Variants in MACF1 observed in about 807,000 individuals in gnomAD.
The protein encoded by MACF1 is microtubule actin crosslinking factor 1.
MACF1 carries 193 observed loss-of-function variants against 854.8 expected under a neutral mutation model. The observed-to-expected ratio is 0.23, with a 90% CI of 0.20 to 0.25. The LOEUF (loss-of-function observed/expected upper bound fraction) is 0.25. Among genes scored for constraint, MACF1 ranks in the 10% least tolerant of loss-of-function variants. The pLI, the probability that MACF1 is intolerant of heterozygous loss-of-function variation, is 1.00. For missense variants in MACF1, 7,722 were observed against 8,929.1 expected (o/e 0.86, Z 5.45); for synonymous variants, 3,185 against 3,226.7 (o/e 0.99, Z 0.44).
rs570045960 is a variant in MACF1, at chr1:39,333,490, A to C, written c.6902A>C (p.Gln2301Pro). 9.3e-6 allele frequency: 15 copies of C among 1,614,224 alleles called. No homozygotes were observed. The South Asian group carries it at 1.6e-4, about 18-fold the overall frequency. ...QLLDGGIFHE[Q>P]TGQKLLLNEA... ...CTAGATGGTGGTATCTTTCATGAACAAACAGGTCAAAAGCTCTTACTAAAT... is the reference window on the plus strand; with the variant it reads ...CTAGATGGTGGTATCTTTCATGAACCAACAGGTCAAAAGCTCTTACTAAAT... Residue 2301 changes from glutamine to proline, a missense_variant, in exon 37 of 101, where the codon CAA (glutamine) becomes CCA (proline). Gln to Pro is a moderately conservative substitution (Grantham distance 76). This residue lies in a region of MACF1 where 1,531 missense variants were observed against 1,601.6 expected (regional missense o/e 0.96). Transcript: ENST00000564288.
rs1480939257 is a variant in MACF1, at chr1:39,141,325, A to G, written c.220+56887A>G. 2.6e-5 allele frequency among the ~76,000 whole-genome samples: 4 copies of G among 152,146 alleles called. No homozygotes were observed. The East Asian group carries it at 5.8e-4, about 22-fold the overall frequency. On this transcript the variant is annotated intron_variant, in intron 2 of 93. Coordinates refer to the MACF1 transcript ENST00000361689. ...TGGGTCCCATCCTCAGTTCTGATTCAGTAGGTCTGGGGTGGGGCTTGAGAA... is the reference window on the plus strand; with the variant it reads ...TGGGTCCCATCCTCAGTTCTGATTCGGTAGGTCTGGGGTGGGGCTTGAGAA...
Position 39,387,917 on chromosome 1 carries a change from G to C in MACF1, c.15075G>C (p.Lys5025Asn), listed in dbSNP as rs1445965816. Residue 5025 changes from lysine to asparagine, a missense_variant, in exon 58 of 101, where the codon AAG becomes AAC. Coordinates refer to ENST00000564288, the MANE Select transcript of MACF1 (RefSeq NM_001394062.1). ...FQESFKNIEKKVEGAKHQLEI... is the reference protein window; with the variant it reads ...FQESFKNIEKNVEGAKHQLEI... ...AAAGCTTTAAGAATATTGAAAAGAA[G>C]GTTGAAGGAGCCAAACACCAACTTG... The C allele has an allele frequency of 5.6e-6, 9 of 1,613,832 alleles. No homozygotes were observed. The highest frequency in any genetic ancestry group is 1.7e-5 in the Admixed American group (1 of 59,990).
At chr1:39,116,534 G>A (rs1044327134) in intron 2 of MACF1, among the ~76,000 whole-genome samples, 12 of 152,054 alleles carry the variant, frequency 7.9e-5, no homozygotes, top group Non-Finnish European at 1.5e-4. Flanking sequence ...TAGTTTTGAC[G>A]GAAGAATATG....
At chr1:39,168,526 G>C (rs1490446518) in intron 2 of MACF1, among the ~76,000 whole-genome samples, 1 of 152,150 alleles carries the variant, frequency 6.6e-6, no homozygotes, top group African/African-American at 2.4e-5. Flanking sequence ...GAACGGTCTC[G>C]CTATATTGCC....
At chr1:39,104,153 C>T (rs1022083542) in intron 2 of MACF1, among the ~76,000 whole-genome samples, 3 of 152,192 alleles carry the variant, frequency 2.0e-5, no homozygotes, top group African/African-American at 7.2e-5. Context: ...CCCACAACCA[C>T]CTCTCCAGAC....
chr1:39,388,608 G>C lies in MACF1; in HGVS notation c.15766G>C (p.Val5256Leu). 2 of 1,603,434 alleles carry C rather than the reference G, an allele frequency of 1.2e-6. No homozygotes were observed. The highest frequency in any genetic ancestry group is 1.7e-6 in the Non-Finnish European group (2 of 1,176,230). ...AAEEAEALQW[V>L]VGTEVEIINQ... ...AGAGGAGGCAGAGGCCCTCCAGTGGGTAGTGGGGACCGAAGTGGAAATCAT... is the reference window on the plus strand; with the variant it reads ...AGAGGAGGCAGAGGCCCTCCAGTGGCTAGTGGGGACCGAAGTGGAAATCAT... Residue 5256 changes from valine (V) to leucine (L), a missense_variant, in exon 58 of 101, where the codon GTA becomes CTA. By Grantham distance (32) the Val-to-Leu change is conservative (BLOSUM62 1). Around this residue, in one of 15 missense-constraint regions of MACF1, gnomAD observed 2,807 missense variants for 3,235.8 expected, o/e 0.87. Transcript: ENST00000564288.
intron 58 of MACF1, among the ~76,000 whole-genome samples, chr1:39,394,061 G>A (rs1366445737): frequency 6.6e-6 from 1 of 152,098 alleles, no homozygotes; most frequent in East Asian, 1.9e-4. Flanking sequence ...TCTTGTCTTT[G>A]AGGCTGGGCT....
rs970639980 is a variant in MACF1 at position 39,310,863 on chromosome 1, A to G, written c.3133A>G (p.Ile1045Val). The G allele has an allele frequency of 1.2e-6, 2 of 1,613,600 alleles. No individual in the cohort carries two copies. The highest frequency in any genetic ancestry group is 1.7e-5 in the Admixed American group (1 of 59,856). Residue 1045 changes from isoleucine (I) to valine (V), a missense_variant, in exon 26 of 101, where the codon ATT (isoleucine) becomes GTT (valine). By Grantham distance (29) the Ile-to-Val change is conservative. This residue lies in a region of MACF1 where 1,137 missense variants were observed against 1,263.0 expected (regional missense o/e 0.90). Transcript: ENST00000564288. ...AGAGGAGACTGTGGCCAAGATGTAC[A>G]TTTCAGAGTTGAAGAACATCCGGCT... ...DKEETVAKMY[I>V]SELKNIRLRL...
intron 72 of MACF1, among the ~76,000 whole-genome samples, chr1:39,440,244 CT>C (rs974897087): frequency 2.0e-5 from 3 of 149,952 alleles, no homozygotes; most frequent in African/African-American, 7.4e-5. Flanking sequence ...TCCCTAGTAG[CT>C]GGGTCATATG....
At position 39,333,226 on chromosome 1, in the gene MACF1, T is replaced by C; in HGVS notation, c.6638T>C (p.Leu2213Pro). The change falls in exon 37 of 101, where the codon CTA (leucine) becomes CCA (proline). Residue 2213 changes from leucine to proline, a missense_variant. Physicochemically the swap from Leu to Pro is moderately conservative, Grantham distance 98. Around this residue, in one of 15 missense-constraint regions of MACF1, gnomAD observed 1,531 missense variants for 1,601.6 expected, o/e 0.96. Transcript: ENST00000564288. Reference protein sequence around the residue: ...VKKTLGIKLELKSETDGNVHP... With the variant: ...VKKTLGIKLEPKSETDGNVHP... ...AAAACTCTAGGTATAAAGTTAGAAC[T>C]AAAGTCTGAAACTGATGGGAATGTT... 6.2e-7 allele frequency: 1 copy of C among 1,612,724 alleles called. No homozygotes were observed. Among genetic ancestry groups the C allele is most frequent in the South Asian group, 1.1e-5 (1 of 90,630 alleles).
intron 97 of MACF1, among the ~76,000 whole-genome samples, chr1:39,479,255 T>G (rs1644970774): frequency 6.6e-6 from 1 of 152,252 alleles, no homozygotes; most frequent in South Asian, 2.1e-4. Context: ...CATGTTTACT[T>G]CTTAATGATT....
intron 2 of MACF1, among the ~76,000 whole-genome samples, chr1:39,187,360 T>C (rs570766634): frequency 1.3e-5 from 2 of 152,320 alleles, no homozygotes; most frequent in Non-Finnish European, 2.9e-5. Flanking sequence ...TTTAGTTCAA[T>C]AGTCTATTTG....
chr1:39,222,403 G>A (rs2036463), intron 1 of MACF1, among the ~76,000 whole-genome samples: 24,313 of 152,200 alleles, frequency 0.16, 2,421 homozygotes, highest in Middle Eastern at 0.22. Flanking sequence ...GGGATTATAG[G>A]CATGAGCCAC....
intron 2 of MACF1, among the ~76,000 whole-genome samples, chr1:39,181,380 A>G (rs1316627527): frequency 6.6e-6 from 1 of 152,202 alleles, no homozygotes; most frequent in Non-Finnish European, 1.5e-5. Context: ...ATGCATTGGA[A>G]GACTTAATAT....
rs57576149 is a variant in MACF1 at position 39,393,196 on chromosome 1, A to AAAAAAAATAT, written c.15816+4539_15816+4540insAAAAAATATA. Reference sequence around the variant, plus strand: ...CTGGGAAGGGTAAAAAAAAAAAAAAAATATATATATATATATATATATATA... The same window carrying AAAAAAAATAT: ...CTGGGAAGGGTAAAAAAAAAAAAAAAAAAAAAATATATATATATATATATATATATATATA... On this transcript the variant is annotated intron_variant, in intron 58 of 100. Transcript: ENST00000564288. Among the ~76,000 whole-genome samples, 126 of 66,552 alleles carry AAAAAAAATAT rather than the reference A, an allele frequency of 1.9e-3. 1 individual carries two copies. The highest frequency in any genetic ancestry group is 0.01 in the African/African-American group (122 of 11,870). The allele number at this position is 66,552 out of a possible 152,430, so 43.7% of individuals were successfully genotyped here. A position where few individuals can be genotyped will look rare whatever the true frequency, so the allele number is the denominator to read the frequency against.
intron 2 of MACF1, among the ~76,000 whole-genome samples, chr1:39,150,558 A>G: frequency 6.6e-6 from 1 of 152,210 alleles, no homozygotes; most frequent in Non-Finnish European, 1.5e-5. Context: ...AAAAGATGTT[A>G]AGTGAGAATC....
rs749398419 is a variant in MACF1 at position 39,316,422 on chromosome 1, A to C, written c.3481A>C (p.Ile1161Leu). 1.2e-6 allele frequency: 2 copies of C among 1,613,938 alleles called. No homozygotes were observed. Among genetic ancestry groups the C allele is most frequent in the Admixed American group, 3.3e-5 (2 of 60,004 alleles). Residue 1161 changes from isoleucine to leucine, a missense_variant, in exon 28 of 101, where the codon ATA (isoleucine) becomes CTA (leucine). Ile to Leu is a conservative substitution (Grantham distance 5). Transcript: ENST00000564288. ...LKTVDVIVRS[I>L]QDAELLVKGY... ...GACAGTTGATGTTATAGTACGTAGCATACAGGATGCTGAACTCTTGGTCAA... is the reference window on the plus strand; with the variant it reads ...GACAGTTGATGTTATAGTACGTAGCCTACAGGATGCTGAACTCTTGGTCAA...
chr1:39,277,528 A>G (rs965556889), intron 6 of MACF1, among the ~76,000 whole-genome samples: 2 of 152,212 alleles, frequency 1.3e-5, no homozygotes, highest in African/African-American at 4.8e-5. Context: ...TTACCTTCAT[A>G]CATCTGTTGT....
At chr1:39,269,700 C>G (rs746649763) in intron 6 of MACF1, 1 of 1,289,696 alleles carries the variant, frequency 7.8e-7, no homozygotes, top group East Asian at 5.5e-5. Context: ...AAGCCACACC[C>G]CATCATGGGG....
Sources: gnomAD v4.1 joint callset for allele counts (sites outside exome capture counted in the v4.1 genomes callset) on GRCh38, gnomAD v4.1.1 for gene constraint, gnomAD v4.1.1 regional missense constraint, MANE v1.5 for transcripts, NCBI Gene and HGNC (gene_info 2026-07-23, HGNC 2026-07-21) for gene names.